Variants in PTPRN observed in about 807,000 individuals in gnomAD.
The protein encoded by PTPRN is receptor-type tyrosine-protein phosphatase-like N.
Under a neutral mutation model 108.5 loss-of-function variants are expected in PTPRN, and 70 were observed. The observed-to-expected ratio is 0.65, with a 90% CI of 0.53 to 0.79. PTPRN has a LOEUF of 0.79. Among genes scored for constraint, PTPRN ranks in the 30% least tolerant of loss-of-function variants. PTPRN has a pLI of 0.00. For missense variants in PTPRN, 1,136 were observed against 1,295.5 expected (o/e 0.88, Z 1.89); for synonymous variants, 496 against 524.6 (o/e 0.95, Z 0.75).
intron 3 of PTPRN, among the ~76,000 whole-genome samples, chr2:219,305,146 G>A (rs1233665472): frequency 1.3e-5 from 2 of 151,756 alleles, no homozygotes; most frequent in African/African-American, 4.9e-5. Flanking sequence ...CTGGCTTCTG[G>A]GACACTGAAC....
Position 219,297,293 on chromosome 2 carries a change from C to T in PTPRN, c.2028G>A (p.Pro676=), listed in dbSNP as rs17847406. 5.4e-5 allele frequency: 87 copies of T among 1,613,898 alleles called. No individual in the cohort carries two copies. In the Middle Eastern group the frequency reaches 2.5e-3, roughly 46 times the overall value. ...QASPSSHSST[P]SWCEEPAQAN... ...CTTGGGCCGGCTCCTCGCACCAGGA[C>T]GGGGTGCTGCTGTGGGAGCTGGGGC... The change falls in exon 14 of 23, where the codon CCG becomes CCA. Residue 676 remains proline, a synonymous_variant. Coordinates refer to ENST00000295718, the MANE Select transcript of PTPRN (RefSeq NM_002846.4). This position sits in a 1 kb window ranked among gnomAD's most constrained non-coding sequence, Gnocchi z 6.0.
Position 219,290,836 on chromosome 2 carries a change from G to A in PTPRN, c.2784C>T (p.Arg928=). The A allele has an allele frequency of 1.2e-6, 2 of 1,614,104 alleles. No individual in the cohort carries two copies. Among genetic ancestry groups the A allele is most frequent in the Non-Finnish European group, 1.7e-6 (2 of 1,179,978 alleles). ...TYILIDMVLN[R]MAKGVKEIDI... ...GGGGAAGCTCCCTACCTTTTGCCAT[G>A]CGGTTCAGGACCATGTCGATGAGGA... Residue 928 remains arginine, a synonymous_variant, in exon 21 of 23, where the codon CGC becomes CGT. Transcript: ENST00000295718. The surrounding 1 kb of genome is among the most constrained non-coding windows in gnomAD (Gnocchi z 4.2).
chr2:219,302,873 G>C (rs1194082923), intron 4 of PTPRN, 36 bp from the exon 5 acceptor site: 1 of 1,596,478 alleles, frequency 6.3e-7, no homozygotes, highest in South Asian at 1.1e-5. Flanking sequence ...GTTGGAGCGG[G>C]GGAAAGGGCA....
intron 9 of PTPRN, 70 bp downstream of exon 9, chr2:219,299,912 CCCT>C (rs1559299982): frequency 1.3e-6 from 2 of 1,590,606 alleles, no homozygotes; most frequent in Non-Finnish European, 1.7e-6. Flanking sequence ...TGGATTTCTG[CCCT>C]CTGCTTCTGG....
rs545994971 is a variant in PTPRN, at chr2:219,296,617, C to T, written c.2311-101G>A. 5.8e-6 allele frequency: 9 copies of T among 1,562,232 alleles called. No individual in the cohort carries two copies. Among genetic ancestry groups the T allele is most frequent in the East Asian group, 4.5e-5 (2 of 44,324 alleles). On this transcript the variant is annotated intron_variant, in intron 16 of 22. Coordinates refer to ENST00000295718, the MANE Select transcript of PTPRN (RefSeq NM_002846.4). The surrounding 1 kb of genome is among the most constrained non-coding windows in gnomAD (Gnocchi z 6.0). ...TCAGGGTCTGAGAAGGCTGGCAGTTCCCCCTTGCTAGGATATCAGGCCCCA... is the reference window on the plus strand; with the variant it reads ...TCAGGGTCTGAGAAGGCTGGCAGTTTCCCCTTGCTAGGATATCAGGCCCCA...
chr2:219,308,136 A>C, intron 1 of PTPRN: 1 of 401,436 alleles, frequency 2.5e-6, no homozygotes, highest in Non-Finnish European at 4.5e-6. Flanking sequence ...GAATTACTGC[A>C]GGAGAGGTTT....
chr2:219,294,023 C>A, intron 19 of PTPRN: 1 of 483,228 alleles, frequency 2.1e-6, no homozygotes, highest in South Asian at 1.5e-5. Context: ...TCCCACACTC[C>A]TTTCGACAGT....
At chr2:219,301,543 A>G in intron 7 of PTPRN, 45 bp downstream of exon 7, 2 of 1,578,776 alleles carry the variant, frequency 1.3e-6, no homozygotes, top group East Asian at 2.3e-5. Context: ...AGAGGCCTCC[A>G]TGGAGCCGGG....
chr2:219,299,821 G>T, intron 9 of PTPRN, 35 bp from the exon 10 acceptor site: 1 of 1,577,270 alleles, frequency 6.3e-7, no homozygotes, highest in Admixed American at 1.8e-5. Context: ...AGGAAAGTGG[G>T]GCAACCCTCT....
At chr2:219,291,699 G>A (rs4410282) in intron 19 of PTPRN, 176 bp from the exon 20 acceptor site, 61,660 of 658,738 alleles carry the variant, frequency 0.094, 3,141 homozygotes, top group South Asian at 0.11. Flanking sequence ...AGCTGGTGTG[G>A]GTGGCATTGG....
At position 219,302,133 on chromosome 2, in the gene PTPRN, T is replaced by C. The variant is rs753786414; in HGVS notation, c.994+4A>G. 1.9e-6 allele frequency: 3 copies of C among 1,568,652 alleles called. No homozygotes were observed. The highest frequency in any genetic ancestry group is 2.6e-6 in the Non-Finnish European group (3 of 1,154,822). ...AGGGAGGTGGATGCTGAGGACCTTGTTACCTGGCTGCACAGCTGGGGAAGC... is the reference window on the plus strand; with the variant it reads ...AGGGAGGTGGATGCTGAGGACCTTGCTACCTGGCTGCACAGCTGGGGAAGC... On this transcript the variant is annotated splice_donor_region_variant and intron_variant, in intron 6 of 22. Transcript: ENST00000295718.
rs1019257653 is a variant in PTPRN at position 219,297,676 on chromosome 2, G to T, written c.1887+209C>A. Among the ~76,000 whole-genome samples, 3 of 152,108 alleles carry T rather than the reference G, an allele frequency of 2.0e-5. No homozygotes were observed. Among genetic ancestry groups the T allele is most frequent in the Non-Finnish European group, 2.9e-5 (2 of 68,026 alleles). On this transcript the variant is annotated intron_variant, in intron 13 of 22. Coordinates refer to ENST00000295718, the MANE Select transcript of PTPRN (RefSeq NM_002846.4). The surrounding 1 kb of genome is among the most constrained non-coding windows in gnomAD (Gnocchi z 6.0). The stretch of plus-strand genomic sequence containing the variant: ...AGCCCCAGAAGCACAGCACCAAGAA[G>T]AACCTTAGGCACTGTATGCTCCCAA...
intron 20 of PTPRN, 103 bp downstream of exon 20, chr2:219,291,367 A>G (rs1345398382): frequency 1.0e-5 from 13 of 1,286,726 alleles, no homozygotes; most frequent in Middle Eastern, 1.9e-4. Flanking sequence ...CTGGATTTGG[A>G]CTATGCCTGC....
chr2:219,302,518 G>C, intron 5 of PTPRN, 27 bp from the exon 6 acceptor site: 1 of 1,613,920 alleles, frequency 6.2e-7, no homozygotes, highest in Non-Finnish European at 8.5e-7. Flanking sequence ...ATCTGGGTAA[G>C]AGCAGAAGTC....
rs1405541440 is a variant in PTPRN at position 219,290,056 on chromosome 2, G to A, written c.*170C>T. On this transcript the variant is annotated 3_prime_UTR_variant, in exon 23 of 23. Transcript: ENST00000295718. This position sits in a 1 kb window ranked among gnomAD's most constrained non-coding sequence, Gnocchi z 4.2. ...TCTGGGATGCCCCAGGCTCTGGCAT[G>A]CGAGGCTGGGCAGGCGTGCCCCTTC... 2.8e-5 allele frequency: 18 copies of A among 648,910 alleles called. No homozygotes were observed. Among genetic ancestry groups the A allele is most frequent in the Non-Finnish European group, 4.4e-5 (16 of 366,052 alleles). 40.2% of individuals were successfully genotyped at this position (648,910 alleles called of 1,614,324 possible). A position where few individuals can be genotyped will look rare whatever the true frequency, so the allele number is the denominator to read the frequency against.
At position 219,298,103 on chromosome 2, in the gene PTPRN, T is replaced by G; in HGVS notation, c.1669A>C (p.Arg557=). The change falls in exon 13 of 23, where the codon AGG becomes CGG. Residue 557 remains arginine, a splice_region_variant and synonymous_variant. Coordinates refer to ENST00000295718, the MANE Select transcript of PTPRN (RefSeq NM_002846.4). ...GGAAGGACTGCAGCTGCCTCCTCCC[T>G]CTGTGGGAACAAGGCTAGAATCAAG... is the stretch of plus-strand genomic sequence containing the variant. The part of the protein sequence containing the change: ...LQILQTGVGQ[R]EEAAAVLPQT... 6.2e-7 allele frequency: 1 copy of G among 1,611,632 alleles called. No homozygotes were observed. Among genetic ancestry groups the G allele is most frequent in the African/African-American group, 1.3e-5 (1 of 75,056 alleles).
chr2:219,296,596 G>T lies in PTPRN; in HGVS notation c.2311-80C>A. The T allele has an allele frequency of 6.3e-7, 1 of 1,578,594 alleles. No homozygotes were observed. The highest frequency in any genetic ancestry group is 8.7e-7 in the Non-Finnish European group (1 of 1,150,696). ...GGCGTGGTCAGAGCAAGTGGGTCAG[G>T]GTCTGAGAAGGCTGGCAGTTCCCCC... On this transcript the variant is annotated intron_variant, in intron 16 of 22. Transcript: ENST00000295718. The surrounding 1 kb of genome is among the most constrained non-coding windows in gnomAD (Gnocchi z 6.0).
chr2:219,290,809 G>T lies in PTPRN; in HGVS notation c.2794+17C>A. On this transcript the variant is annotated intron_variant, in intron 21 of 22. Transcript: ENST00000295718. The surrounding 1 kb of genome is among the most constrained non-coding windows in gnomAD (Gnocchi z 4.2). The stretch of plus-strand genomic sequence containing the variant: ...AAAGGGCCTGGGGGCTGCGGGCACC[G>T]TGGGGAAGCTCCCTACCTTTTGCCA... 1 of 1,613,160 alleles carries T rather than the reference G, an allele frequency of 6.2e-7. No homozygotes were observed. Among genetic ancestry groups the T allele is most frequent in the East Asian group, 2.2e-5 (1 of 44,874 alleles).
chr2:219,306,368 G>A (rs922813482), intron 3 of PTPRN, among the ~76,000 whole-genome samples: 18 of 152,252 alleles, frequency 1.2e-4, no homozygotes, highest in African/African-American at 3.9e-4. Flanking sequence ...GTTTGTTTTA[G>A]TAAAGTGAAA....
Sources: gnomAD v4.1 joint callset for allele counts (sites outside exome capture counted in the v4.1 genomes callset) on GRCh38, gnomAD v4.1.1 for gene constraint, Gnocchi (gnomAD v3.1) non-coding constraint, MANE v1.5 for transcripts, NCBI Gene and HGNC (gene_info 2026-07-23, HGNC 2026-07-21) for gene names.